The following RBFOX1 variants were observed in gnomAD, a reference collection of about 807,000 sequenced individuals.
The protein encoded by RBFOX1 is RNA binding protein fox-1 homolog 1.
A neutral mutation model predicts 57.7 loss-of-function variants in RBFOX1; 8 were observed. That is an observed-to-expected ratio of 0.14 (90% CI 0.08 to 0.25). The LOEUF (loss-of-function observed/expected upper bound fraction) is 0.25. RBFOX1 is among the 10% of genes least tolerant of loss of function. The probability of loss-of-function intolerance (pLI) is 1.00; values close to 1 mark genes in which losing one functional copy is unlikely to be tolerated. For missense variants in RBFOX1, 611 were observed against 548.5 expected (o/e 1.11, Z -1.14); for synonymous variants, 326 against 222.4 (o/e 1.47, Z -4.15).
In RBFOX1 at chr16:6,951,346, C is replaced by G. The variant is rs560957834; in HGVS notation, c.-15-100711C>G. ...ATTGTCATTATTGTCTGAGGGTATT[C>G]TGGCTAACTCTTTCTACCAAATAAA... On this transcript the variant is annotated intron_variant, in intron 3 of 15. Coordinates refer to ENST00000550418, the MANE Select transcript of RBFOX1 (RefSeq NM_018723.4). Among the ~76,000 whole-genome samples the G allele has an allele frequency of 3.3e-5, 5 of 152,274 alleles. No homozygotes were observed. In the East Asian group the frequency reaches 5.8e-4, roughly 18 times the overall value.
chr16:5,498,549 G>T (rs1315764396), intron 2 of RBFOX1, among the ~76,000 whole-genome samples: 1 of 152,202 alleles, frequency 6.6e-6, no homozygotes, highest in African/African-American at 2.4e-5. Context: ...GAGAATAAAG[G>T]GTGGTGGGAG....
At chr16:5,358,113 G>T (rs1264538406) in intron 1 of RBFOX1, among the ~76,000 whole-genome samples, 1 of 152,042 alleles carries the variant, frequency 6.6e-6, no homozygotes, top group Non-Finnish European at 1.5e-5. Context: ...GAAATCATCT[G>T]TTCCATGTCT....
chr16:5,254,074 C>A (rs114512795), intron 1 of RBFOX1, among the ~76,000 whole-genome samples: 1 of 152,226 alleles, frequency 6.6e-6, no homozygotes, highest in African/African-American at 2.4e-5. Flanking sequence ...AGGTCCATGC[C>A]TGTTTCTGAT....
intron 4 of RBFOX1, among the ~76,000 whole-genome samples, chr16:5,980,489 G>A (rs1448600735): frequency 2.0e-5 from 3 of 152,162 alleles, no homozygotes; most frequent in Non-Finnish European, 4.4e-5. Context: ...AGACCTGAGA[G>A]CTGTTCACAG....
intron 4 of RBFOX1, among the ~76,000 whole-genome samples, chr16:7,088,170 T>C (rs936156669): frequency 1.4e-4 from 22 of 152,142 alleles, no homozygotes; most frequent in Admixed American, 1.2e-3. Context: ...CGGTTTTCTG[T>C]TTTTTGAAAA....
intron 1 of RBFOX1, among the ~76,000 whole-genome samples, chr16:6,137,208 G>C (rs972767891): frequency 2.0e-5 from 3 of 152,188 alleles, no homozygotes; most frequent in Admixed American, 2.0e-4. Flanking sequence ...TCCAGTGGTG[G>C]TAAGTTGATA....
At chr16:6,494,426 A>G (rs1037518632) in intron 2 of RBFOX1, among the ~76,000 whole-genome samples, 11 of 152,140 alleles carry the variant, frequency 7.2e-5, no homozygotes, top group Non-Finnish European at 1.5e-4. Context: ...TCCATTTGTA[A>G]AACTTTGTTA....
At chr16:6,572,350 CTG>C (rs2097356474) in intron 2 of RBFOX1, among the ~76,000 whole-genome samples, 1 of 152,208 alleles carries the variant, frequency 6.6e-6, no homozygotes, top group South Asian at 2.1e-4. Flanking sequence ...TGAGTATGTT[CTG>C]CTTTTAAAAC....
At chr16:5,865,818 G>C (rs115611393) in intron 3 of RBFOX1, among the ~76,000 whole-genome samples, 336 of 152,160 alleles carry the variant, frequency 2.2e-3, no homozygotes, top group African/African-American at 7.8e-3. Flanking sequence ...CAGCAGACTC[G>C]GTATGAGAAA....
Position 6,563,904 on chromosome 16 carries a change from A to ATGTG in RBFOX1, c.-63-90689_-63-90686dup, listed in dbSNP as rs984715579. ...TGTGTGTGTGTGTATATGTGCGTATATGTGTGTGTGTGTATATATATATAT... is the reference window on the plus strand; with the variant it reads ...TGTGTGTGTGTGTATATGTGCGTATATGTGTGTGTGTGTGTGTATATATATATAT... On this transcript the variant is annotated intron_variant, in intron 2 of 15. Coordinates refer to ENST00000550418, the MANE Select transcript of RBFOX1 (RefSeq NM_018723.4). 9.9e-5 allele frequency among the ~76,000 whole-genome samples: 15 copies of ATGTG among 151,210 alleles called. No homozygotes were observed. In the South Asian group the frequency reaches 2.9e-3, roughly 30 times the overall value.
intron 4 of RBFOX1, among the ~76,000 whole-genome samples, chr16:7,477,967 T>C (rs1470658941): frequency 1.3e-5 from 2 of 152,228 alleles, no homozygotes; most frequent in African/African-American, 4.8e-5. Context: ...ATTGAGACTT[T>C]GACTTTGATT....
chr16:7,581,804 G>C (rs1192477579), intron 6 of RBFOX1, among the ~76,000 whole-genome samples: 2 of 152,006 alleles, frequency 1.3e-5, no homozygotes, highest in African/African-American at 4.8e-5. Context: ...GCAAATTCTT[G>C]GGCTCAAGGG....
chr16:5,844,710 A>G (rs942868814), intron 3 of RBFOX1, among the ~76,000 whole-genome samples: 3 of 152,230 alleles, frequency 2.0e-5, no homozygotes, highest in Non-Finnish European at 4.4e-5. Context: ...GAATCGGATT[A>G]GTCATTATTA....
chr16:6,788,458 T>G (rs1212717913), intron 3 of RBFOX1, among the ~76,000 whole-genome samples: 1 of 151,586 alleles, frequency 6.6e-6, no homozygotes, highest in Non-Finnish European at 1.5e-5. Flanking sequence ...TTTTTTTTAT[T>G]ATTATTTATT....
intron 2 of RBFOX1, among the ~76,000 whole-genome samples, chr16:6,537,282 T>A (rs2096748471): frequency 6.6e-6 from 1 of 152,214 alleles, no homozygotes; most frequent in African/African-American, 2.4e-5. Context: ...CAATATTTTA[T>A]AGGGTGTTAA....
intron 1 of RBFOX1, among the ~76,000 whole-genome samples, chr16:6,100,190 T>C (rs1309516416): frequency 6.6e-6 from 1 of 151,998 alleles, no homozygotes; most frequent in Non-Finnish European, 1.5e-5. Flanking sequence ...TGAGACGGAG[T>C]CTTGCTCTGT....
intron 3 of RBFOX1, among the ~76,000 whole-genome samples, chr16:6,869,469 G>C (rs1342369844): frequency 4.9e-5 from 3 of 61,770 alleles, no homozygotes; most frequent in East Asian, 1.1e-3. Flanking sequence ...ACTGTCTTTT[G>C]AGGTTTTTTT....
chr16:5,633,650 G>A (rs1246809927), intron 3 of RBFOX1, among the ~76,000 whole-genome samples: 2 of 152,098 alleles, frequency 1.3e-5, no homozygotes, highest in Non-Finnish European at 2.9e-5. Context: ...GAGGTGGGTG[G>A]CTCACCTGAG....
intron 2 of RBFOX1, among the ~76,000 whole-genome samples, chr16:5,508,650 C>G (rs759149199): frequency 6.6e-6 from 1 of 151,928 alleles, no homozygotes. Flanking sequence ...AGCGATTGTA[C>G]AGAGTGCCAC....
Sources: gnomAD v4.1 joint callset for allele counts (sites outside exome capture counted in the v4.1 genomes callset) on GRCh38, gnomAD v4.1.1 for gene constraint, MANE v1.5 for transcripts, NCBI Gene and HGNC (gene_info 2026-07-23, HGNC 2026-07-21) for gene names.